B3GALT1: variants seen among roughly 807,000 people sequenced by gnomAD.
B3GALT1 encodes UDP-Gal:betaGlcNAc beta 1,3-galactosyltransferase, polypeptide 1.
In B3GALT1, 10 loss-of-function variants were observed where a neutral mutation model predicts 23.2. The observed-to-expected ratio is 0.43, with a 90% confidence interval of 0.27 to 0.73. The LOEUF is 0.73. Among genes scored for constraint, B3GALT1 ranks in the 30% least tolerant of loss-of-function variants. The pLI is 0.21. For missense variants in B3GALT1, 299 were observed against 405.4 expected (o/e 0.74, Z 2.25); for synonymous variants, 156 against 141.5 (o/e 1.10, Z -0.73).
chr2:167,582,492 G>A (rs975855740), intron 2 of B3GALT1, among the ~76,000 whole-genome samples: 1 of 152,218 alleles, frequency 6.6e-6, no homozygotes, highest in African/African-American at 2.4e-5. Flanking sequence ...ACACTAAGTA[G>A]TAGAAAGTAA....
intron 1 of B3GALT1, among the ~76,000 whole-genome samples, chr2:167,413,339 A>G (rs1176812665): frequency 6.6e-6 from 1 of 152,062 alleles, no homozygotes; most frequent in African/African-American, 2.4e-5. Context: ...GCTTTGAGAG[A>G]CGAAATTTCA....
chr2:167,750,504 T>C (rs1687718381), intron 3 of B3GALT1, among the ~76,000 whole-genome samples: 1 of 152,176 alleles, frequency 6.6e-6, no homozygotes, highest in African/African-American at 2.4e-5. Context: ...TTCTTTCACA[T>C]ACATTAATGT....
intron 3 of B3GALT1, among the ~76,000 whole-genome samples, chr2:167,769,385 T>G (rs1046841956): frequency 6.6e-6 from 1 of 152,242 alleles, no homozygotes; most frequent in African/African-American, 2.4e-5. Context: ...CCTTCTTTTT[T>G]CGGTACTTTG....
At chr2:167,328,255 C>T (rs1456468913) in intron 1 of B3GALT1, among the ~76,000 whole-genome samples, 1 of 152,042 alleles carries the variant, frequency 6.6e-6, no homozygotes, top group Non-Finnish European at 1.5e-5. Flanking sequence ...AGAAAGGATT[C>T]CTTCTTCTTC....
At chr2:167,695,569 G>A (rs1404261287) in intron 3 of B3GALT1, among the ~76,000 whole-genome samples, 3 of 152,076 alleles carry the variant, frequency 2.0e-5, no homozygotes, top group Non-Finnish European at 4.4e-5. Flanking sequence ...AATATTTCCT[G>A]CTGTTTATCA....
chr2:167,639,129 T>C (rs1287934442), intron 2 of B3GALT1, among the ~76,000 whole-genome samples: 3 of 152,066 alleles, frequency 2.0e-5, no homozygotes, highest in Non-Finnish European at 2.9e-5. Flanking sequence ...AAAGTATGCC[T>C]GTAATCTCCC....
At chr2:167,844,232 G>A (rs189295383) in intron 4 of B3GALT1, among the ~76,000 whole-genome samples, 135 of 152,326 alleles carry the variant, frequency 8.9e-4, no homozygotes, top group African/African-American at 3.2e-3. Context: ...AGGAGGCAAG[G>A]ATCATCATGG....
intron 1 of B3GALT1, among the ~76,000 whole-genome samples, chr2:167,449,127 G>A (rs894297388): frequency 1.3e-5 from 2 of 151,994 alleles, no homozygotes; most frequent in African/African-American, 2.4e-5. Flanking sequence ...TTCTAGTTCT[G>A]TGAAGAATGA....
intron 3 of B3GALT1, among the ~76,000 whole-genome samples, chr2:167,790,934 C>T (rs1015250818): frequency 6.6e-6 from 1 of 151,928 alleles, no homozygotes; most frequent in Non-Finnish European, 1.5e-5. Flanking sequence ...TCCCTTTTTT[C>T]CTAGTTATAT....
intron 2 of B3GALT1, among the ~76,000 whole-genome samples, chr2:167,640,506 G>A (rs963569037): frequency 6.6e-6 from 1 of 151,204 alleles, no homozygotes; most frequent in African/African-American, 2.4e-5. Flanking sequence ...AATAAACTAT[G>A]TCAAAAAGTC....
chr2:167,867,573 A>G lies in B3GALT1; in HGVS notation c.-229-1238A>G, dbSNP rs973609021. 3.3e-5 allele frequency among the ~76,000 whole-genome samples: 5 copies of G among 152,200 alleles called. No homozygotes were observed. The East Asian group carries it at 9.6e-4, about 29-fold the overall frequency. Reference sequence around the variant, plus strand: ...GATATATATTGTCTCTGCTGTTCACATCGTGTATTTTTATTTCATTATGAC... The same window carrying G: ...GATATATATTGTCTCTGCTGTTCACGTCGTGTATTTTTATTTCATTATGAC... On this transcript the variant is annotated intron_variant, in intron 4 of 4. Coordinates refer to ENST00000392690, the MANE Select transcript of B3GALT1 (RefSeq NM_020981.4).
chr2:167,500,866 T>C (rs1353179707), intron 2 of B3GALT1, among the ~76,000 whole-genome samples: 1 of 152,132 alleles, frequency 6.6e-6, no homozygotes, highest in East Asian at 1.9e-4. Flanking sequence ...AGGTAATTAA[T>C]TATTGGTTAT....
chr2:167,568,290 G>A (rs959275958), intron 2 of B3GALT1, among the ~76,000 whole-genome samples: 1 of 152,048 alleles, frequency 6.6e-6, no homozygotes, highest in Non-Finnish European at 1.5e-5. Flanking sequence ...GGTAAGTTAT[G>A]TTTAGTTTGG....
chr2:167,753,118 A>G lies in B3GALT1; in HGVS notation c.-351-65554A>G, dbSNP rs72876880. 5.0e-3 allele frequency among the ~76,000 whole-genome samples: 756 copies of G among 152,362 alleles called. 8 individuals carry two copies. The highest frequency in any genetic ancestry group is 8.6e-3 in the Non-Finnish European group (587 of 68,038). The stretch of plus-strand genomic sequence containing the variant: ...TGCACTGGAGAGAGGGGCCATTGCC[A>G]TGGAAACTGAGAGCCCAAATGCAAT... On this transcript the variant is annotated intron_variant, in intron 3 of 4. Coordinates refer to ENST00000392690, the MANE Select transcript of B3GALT1 (RefSeq NM_020981.4).
intron 1 of B3GALT1, among the ~76,000 whole-genome samples, chr2:167,299,768 T>C (rs536068317): frequency 1.3e-5 from 2 of 151,988 alleles, no homozygotes; most frequent in South Asian, 4.1e-4. Context: ...AAAATAGTCA[T>C]TTTTTCCCCT....
chr2:167,823,115 C>T (rs951235943), intron 4 of B3GALT1, among the ~76,000 whole-genome samples: 5 of 149,676 alleles, frequency 3.3e-5, no homozygotes, highest in African/African-American at 1.2e-4. Context: ...GCTCTGAGAC[C>T]CCCCCAGGTG....
At chr2:167,633,169 T>C (rs1685481236) in intron 2 of B3GALT1, among the ~76,000 whole-genome samples, 1 of 151,836 alleles carries the variant, frequency 6.6e-6, no homozygotes, top group African/African-American at 2.4e-5. Context: ...AACATTCAAA[T>C]TCAGAAAATA....
intron 1 of B3GALT1, among the ~76,000 whole-genome samples, chr2:167,404,372 T>C (rs926989556): frequency 3.3e-5 from 5 of 152,006 alleles, no homozygotes; most frequent in African/African-American, 1.2e-4. Context: ...ACAAACCAAA[T>C]GATAACAGAA....
chr2:167,727,692 C>T (rs753851096), intron 3 of B3GALT1, among the ~76,000 whole-genome samples: 1 of 152,116 alleles, frequency 6.6e-6, no homozygotes, highest in African/African-American at 2.4e-5. Flanking sequence ...ACATTCCATC[C>T]TACGGCAGAA....
Sources: allele counts gnomAD v4.1 joint callset (sites outside exome capture counted in the v4.1 genomes callset), GRCh38; gene constraint gnomAD v4.1.1; transcripts MANE v1.5; gene names NCBI Gene and HGNC (gene_info 2026-07-23, HGNC 2026-07-21).